RUSF1: variants seen among roughly 807,000 people sequenced by gnomAD.
RUSF1 encodes RUS1 family protein C16orf58.
RUSF1 carries 58 observed loss-of-function variants against 63.0 expected under a neutral mutation model. That is an observed-to-expected ratio of 0.92 (90% CI 0.75 to 1.15). RUSF1 has a LOEUF of 1.15. RUSF1 is among the 50% of genes most tolerant of loss of function. RUSF1 has a pLI of 0.00. For missense variants in RUSF1, 652 were observed against 611.0 expected (o/e 1.07, Z -0.71); for synonymous variants, 274 against 255.8 (o/e 1.07, Z -0.68).
intron 6 of RUSF1, 108 bp from the exon 7 acceptor site, chr16:31,494,044 C>A (rs894411306): frequency 8.3e-7 from 1 of 1,210,710 alleles, no homozygotes; most frequent in Admixed American, 2.2e-5. Flanking sequence ...TCCCAGGGCT[C>A]CTTACTGCAA....
In RUSF1 at chr16:31,490,589, G is replaced by A. The variant is rs1346784308; in HGVS notation, c.*246C>T. 1.6e-5 allele frequency: 23 copies of A among 1,453,008 alleles called. No homozygotes were observed. Among genetic ancestry groups the A allele is most frequent in the Admixed American group, 1.1e-4 (6 of 52,598 alleles). The allele number at this position is 1,453,008 out of a possible 1,614,324, so 90.0% of individuals were successfully genotyped here. A position where few individuals can be genotyped will look rare whatever the true frequency, so the allele number is the denominator to read the frequency against. ...CAGCCTCACAGGAAGTGGGGGTGAG[G>A]AGCCTGCGGTGCTCCCCAGAAAAGG... On this transcript the variant is annotated 3_prime_UTR_variant, in exon 13 of 13. Transcript: ENST00000327237.
At chr16:31,490,967 T>G in intron 12 of RUSF1, 35 bp from the exon 13 acceptor site, 1 of 1,605,482 alleles carries the variant, frequency 6.2e-7, no homozygotes, top group Non-Finnish European at 8.5e-7. Context: ...CCGGGAATGC[T>G]GGGGACAAGG....
In RUSF1 at chr16:31,500,267, C is replaced by T. The variant is rs774440375; in HGVS notation, c.461+419G>A. ...TGGGAGAGGTATCAGACACACATAA[C>T]GAGATCCTGAACACATGGCCTGGTT... On this transcript the variant is annotated intron_variant, in intron 3 of 12. Transcript: ENST00000327237. 3.3e-5 allele frequency among the ~76,000 whole-genome samples: 5 copies of T among 152,152 alleles called. No homozygotes were observed. In the East Asian group the frequency reaches 7.7e-4, roughly 23 times the overall value.
chr16:31,500,559 A>G (rs562511646), intron 3 of RUSF1, 127 bp downstream of exon 3: 2 of 1,236,382 alleles, frequency 1.6e-6, no homozygotes, highest in South Asian at 3.1e-5. Flanking sequence ...TGCCACGGGC[A>G]TTAAGCACTT....
At chr16:31,498,325 T>A (rs1002946069) in intron 5 of RUSF1, among the ~76,000 whole-genome samples, 1 of 152,152 alleles carries the variant, frequency 6.6e-6, no homozygotes, top group African/African-American at 2.4e-5. Context: ...CCTCGGTCCA[T>A]AGCTACAGCC....
chr16:31,491,248 A>G (rs939030443), intron 12 of RUSF1, among the ~76,000 whole-genome samples: 1 of 151,990 alleles, frequency 6.6e-6, no homozygotes, highest in Non-Finnish European at 1.5e-5. Context: ...CACTTCAAAG[A>G]CCATTCTAAG....
chr16:31,497,941 G>A (rs958724922), intron 5 of RUSF1, among the ~76,000 whole-genome samples: 1 of 152,242 alleles, frequency 6.6e-6, no homozygotes, highest in East Asian at 1.9e-4. Flanking sequence ...TGCTCTGAGA[G>A]AGGAGCGGCA....
At chr16:31,497,371 G>A (rs898224991) in intron 5 of RUSF1, among the ~76,000 whole-genome samples, 5 of 152,102 alleles carry the variant, frequency 3.3e-5, no homozygotes, top group Non-Finnish European at 5.9e-5. Context: ...CTACACTGAT[G>A]GCCCTGACCT....
Position 31,499,282 on chromosome 16 carries a change from G to T in RUSF1, c.600+20C>A. The T allele has an allele frequency of 6.3e-7, 1 of 1,599,770 alleles. No homozygotes were observed. The highest frequency in any genetic ancestry group is 1.1e-5 in the South Asian group (1 of 90,752). On this transcript the variant is annotated intron_variant, in intron 5 of 12. Coordinates refer to ENST00000327237, the MANE Select transcript of RUSF1 (RefSeq NM_022744.4). ...CAAGGCAGGTGTTTTAGGCAGATGG[G>T]TGCCCCCACAGGCAGCTACCTTGGC...
Position 31,490,726 on chromosome 16 carries a change from G to T in RUSF1, c.*109C>A. The T allele has an allele frequency of 7.7e-7, 1 of 1,304,772 alleles. No homozygotes were observed. Among genetic ancestry groups the T allele is most frequent in the Non-Finnish European group, 1.1e-6 (1 of 909,696 alleles). 80.8% of individuals were successfully genotyped at this position (1,304,772 alleles called of 1,614,324 possible). On this transcript the variant is annotated 3_prime_UTR_variant, in exon 13 of 13. Transcript: ENST00000327237. ...CTTCCCATGAGGGCCTGGCCCACCC[G>T]CTGCAGTTGCCCTAAGGAAAAATAA...
In RUSF1 at chr16:31,490,749, TA is replaced by T; in HGVS notation, c.*85del. 2 of 1,483,560 alleles carry T rather than the reference TA, an allele frequency of 1.3e-6. No individual in the cohort carries two copies. The highest frequency in any genetic ancestry group is 9.4e-7 in the Non-Finnish European group (1 of 1,066,254). 91.9% of individuals were successfully genotyped at this position (1,483,560 alleles called of 1,614,324 possible). On this transcript the variant is annotated 3_prime_UTR_variant, in exon 13 of 13. Transcript: ENST00000327237. ...CCGCTGCAGTTGCCCTAAGGAAAAA[TA>T]AAGCTGCCTTTCCCCTGTCCTGCTG...
Position 31,490,039 on chromosome 16 carries a change from G to C in RUSF1, c.*796C>G, listed in dbSNP as rs2082547909. 2.5e-5 allele frequency: 41 copies of C among 1,607,890 alleles called. No homozygotes were observed. Among genetic ancestry groups the C allele is most frequent in the Non-Finnish European group, 3.4e-5 (40 of 1,178,184 alleles). ...CAGGCAGTGACGAGCTGGTGTGCAAGAGACTTTAGGGCCAGGCATGGGGGG... is the reference window on the plus strand; with the variant it reads ...CAGGCAGTGACGAGCTGGTGTGCAACAGACTTTAGGGCCAGGCATGGGGGG... On this transcript the variant is annotated 3_prime_UTR_variant, in exon 13 of 13. Transcript: ENST00000327237.
intron 6 of RUSF1, among the ~76,000 whole-genome samples, chr16:31,494,287 G>A (rs1448824280): frequency 6.6e-6 from 1 of 152,122 alleles, no homozygotes; most frequent in Non-Finnish European, 1.5e-5. Flanking sequence ...CTGGGAGGCC[G>A]AGGTGGGCAG....
In RUSF1 at chr16:31,490,182, T is replaced by TC; in HGVS notation, c.*652dup. Reference sequence around the variant, plus strand: ...GGATGCTGATGAGCAGCAAGGCTCCTCACTCCCTGTACAGAATGGGTGCCC... The same window carrying TC: ...GGATGCTGATGAGCAGCAAGGCTCCTCCACTCCCTGTACAGAATGGGTGCCC... On this transcript the variant is annotated 3_prime_UTR_variant, in exon 13 of 13. Transcript: ENST00000327237. 1.2e-6 allele frequency: 2 copies of TC among 1,614,164 alleles called. No individual in the cohort carries two copies. Among genetic ancestry groups the TC allele is most frequent in the Non-Finnish European group, 1.7e-6 (2 of 1,180,020 alleles).
intron 2 of RUSF1, among the ~76,000 whole-genome samples, chr16:31,503,385 A>T (rs2082642107): frequency 6.6e-6 from 1 of 152,250 alleles, no homozygotes; most frequent in South Asian, 2.1e-4. Context: ...GCAGCTAACT[A>T]ATATGGCTGC....
chr16:31,492,701 T>C (rs1404522055), intron 10 of RUSF1, among the ~76,000 whole-genome samples: 1 of 152,126 alleles, frequency 6.6e-6, no homozygotes, highest in Admixed American at 6.5e-5. Context: ...ACAGCAAAGG[T>C]CATAGCCTTC....
At position 31,490,512 on chromosome 16, in the gene RUSF1, T is replaced by C; in HGVS notation, c.*323A>G. The stretch of plus-strand genomic sequence containing the variant: ...CCTGCTCATGATGGCAGTGGCCGTG[T>C]TCCTCTGGGGCTTCTATGCCTAAGA... On this transcript the variant is annotated 3_prime_UTR_variant, in exon 13 of 13. Coordinates refer to ENST00000327237, the MANE Select transcript of RUSF1 (RefSeq NM_022744.4). 3.1e-6 allele frequency: 5 copies of C among 1,613,152 alleles called. No homozygotes were observed. The highest frequency in any genetic ancestry group is 4.2e-6 in the Non-Finnish European group (5 of 1,179,678).
intron 2 of RUSF1, among the ~76,000 whole-genome samples, chr16:31,507,557 G>A (rs1260647402): frequency 6.6e-6 from 1 of 152,236 alleles, no homozygotes; most frequent in Non-Finnish European, 1.5e-5. Context: ...TGTGGGGAAT[G>A]GAGTGCGGCT....
rs781136861 is a variant in RUSF1 at position 31,493,580 on chromosome 16, C to T, written c.958+23G>A. 21 of 1,614,034 alleles carry T rather than the reference C, an allele frequency of 1.3e-5. No individual in the cohort carries two copies. In the East Asian group the frequency reaches 4.7e-4, roughly 36 times the overall value. ...CAGTGGGAGAGGTTGAGACACAGGA[C>T]CCGAGACCAGGGGCAGGGTCACCTG... On this transcript the variant is annotated intron_variant, in intron 8 of 12. Coordinates refer to ENST00000327237, the MANE Select transcript of RUSF1 (RefSeq NM_022744.4).
Sources: allele counts gnomAD v4.1 joint callset (sites outside exome capture counted in the v4.1 genomes callset), GRCh38; gene constraint gnomAD v4.1.1; transcripts MANE v1.5; gene names NCBI Gene and HGNC (gene_info 2026-07-23, HGNC 2026-07-21).